Variants in GAL3ST2 observed in about 807,000 individuals in gnomAD.
GAL3ST2 encodes the protein galactose-3-O-sulfotransferase 2.
Under a neutral mutation model 12.9 loss-of-function variants are expected in GAL3ST2, and 16 were observed. The ratio of observed to expected loss-of-function variants is 1.24; its 90% CI spans 0.84 to 1.88. The LOEUF is 1.88. Ranked by LOEUF, GAL3ST2 falls within the 40% of genes most tolerant of loss-of-function variation. GAL3ST2 has a pLI of 0.00. For synonymous variants in GAL3ST2, 302 were observed against 273.9 expected (o/e 1.10, Z -1.01); for missense variants, 639 against 571.8 (o/e 1.12, Z -1.20).
rs1699712284 is a variant in GAL3ST2 at position 241,793,047 on chromosome 2, A to C, written c.30-6018A>C. On this transcript the variant is annotated intron_variant, in intron 1 of 3. Coordinates refer to ENST00000192314, the MANE Select transcript of GAL3ST2 (RefSeq NM_022134.3). The surrounding 1 kb of genome is among the most constrained non-coding windows in gnomAD (Gnocchi z 4.7). The stretch of plus-strand genomic sequence containing the variant: ...CAGACCGAACCAATGTTCGTCCTGC[A>C]TATGCGGACTGATGTCTCATGTCTC... 6.6e-6 allele frequency among the ~76,000 whole-genome samples: 1 copy of C among 152,178 alleles called. No individual in the cohort carries two copies. Among genetic ancestry groups the C allele is most frequent in the Admixed American group, 6.5e-5 (1 of 15,278 alleles).
chr2:241,803,316 C>A, intron 3 of GAL3ST2, 29 bp from the exon 4 acceptor site: 1 of 1,544,792 alleles, frequency 6.5e-7, no homozygotes, highest in South Asian at 1.2e-5. Flanking sequence ...GGCCCGCGGT[C>A]CGCAGCCCGC....
At position 241,801,608 on chromosome 2, in the gene GAL3ST2, G is replaced by A; in HGVS notation, c.120-173G>A. 1.3e-6 allele frequency: 1 copy of A among 776,848 alleles called. No individual in the cohort carries two copies. Among genetic ancestry groups the A allele is most frequent in the Non-Finnish European group, 2.0e-6 (1 of 498,910 alleles). 48.1% of individuals were successfully genotyped at this position (776,848 alleles called of 1,614,324 possible). ...GCCACCAGCTGGGAGGTTGTGGAGT[G>A]GGGCAAGGATTGGGGCCATGGGTCG... On this transcript the variant is annotated intron_variant, in intron 2 of 3. Coordinates refer to ENST00000192314, the MANE Select transcript of GAL3ST2 (RefSeq NM_022134.3). The surrounding 1 kb of genome is among the most constrained non-coding windows in gnomAD (Gnocchi z 4.4).
In GAL3ST2 at chr2:241,786,759, A is replaced by G. The variant is rs935057096; in HGVS notation, c.29+9775A>G. 9.8e-5 allele frequency among the ~76,000 whole-genome samples: 15 copies of G among 152,306 alleles called. No homozygotes were observed. In the South Asian group the frequency reaches 2.3e-3, roughly 23 times the overall value. ...ATAAAGTTAGCTCATGTCAGTACCA[A>G]GCTCCGATAGGAGGTTTGCCAAAGG... On this transcript the variant is annotated intron_variant, in intron 1 of 3. Coordinates refer to ENST00000192314, the MANE Select transcript of GAL3ST2 (RefSeq NM_022134.3).
At chr2:241,787,256 G>A (rs1318548358) in intron 1 of GAL3ST2, among the ~76,000 whole-genome samples, 2 of 152,140 alleles carry the variant, frequency 1.3e-5, no homozygotes, top group Non-Finnish European at 2.9e-5. Flanking sequence ...ATGTGGTCAG[G>A]ACTTCCTGAG....
chr2:241,793,861 A>C lies in GAL3ST2; in HGVS notation c.30-5204A>C, dbSNP rs1315040270. ...AAAAACCATCGCCATAAGAATTTGC[A>C]TGAGTCTTCCTCATAGTCAACAAGG... On this transcript the variant is annotated intron_variant, in intron 1 of 3. Coordinates refer to ENST00000192314, the MANE Select transcript of GAL3ST2 (RefSeq NM_022134.3). This position sits in a 1 kb window ranked among gnomAD's most constrained non-coding sequence, Gnocchi z 4.7. Among the ~76,000 whole-genome samples, 1 of 152,146 alleles carries C rather than the reference A, an allele frequency of 6.6e-6. No homozygotes were observed. Among genetic ancestry groups the C allele is most frequent in the Non-Finnish European group, 1.5e-5 (1 of 68,036 alleles).
chr2:241,803,835 C>A lies in GAL3ST2; in HGVS notation c.866C>A (p.Thr289Asn). ...CGCCTGTACGAGCATTTCAACCGCA[C>A]CCTCTGGGCGCAGCTGCGCGCCGAG... ...DWRLYEHFNRTLWAQLRAELG... is the reference protein window; with the variant it reads ...DWRLYEHFNRNLWAQLRAELG... The change falls in exon 4 of 4, where the codon ACC (threonine) becomes AAC (asparagine). Residue 289 changes from threonine (T) to asparagine (N), a missense_variant. Thr to Asn is a moderately conservative substitution (Grantham distance 65, BLOSUM62 0). Coordinates refer to ENST00000192314, the MANE Select transcript of GAL3ST2 (RefSeq NM_022134.3). 4.7e-6 allele frequency: 7 copies of A among 1,483,910 alleles called. No individual in the cohort carries two copies. Among genetic ancestry groups the A allele is most frequent in the Non-Finnish European group, 6.2e-6 (7 of 1,125,790 alleles). 91.9% of individuals were successfully genotyped at this position (1,483,910 alleles called of 1,614,324 possible).
chr2:241,803,991 C>T lies in GAL3ST2; in HGVS notation c.1022C>T (p.Pro341Leu), dbSNP rs140234552. The change falls in exon 4 of 4, where the codon CCC becomes CTC. Residue 341 changes from proline (P) to leucine (L), a missense_variant. Coordinates refer to ENST00000192314, the MANE Select transcript of GAL3ST2 (RefSeq NM_022134.3). ...CAGATCAGAGACCCGCGCCTGCGCCCCTACCAGTCCGGCAAGGCCGACATC... is the reference window on the plus strand; with the variant it reads ...CAGATCAGAGACCCGCGCCTGCGCCTCTACCAGTCCGGCAAGGCCGACATC... ...HTQIRDPRLR[P>L]YQSGKADILG... 399 of 1,559,976 alleles carry T rather than the reference C, an allele frequency of 2.6e-4. No homozygotes were observed. The highest frequency in any genetic ancestry group is 3.3e-4 in the Non-Finnish European group (380 of 1,155,858).
chr2:241,803,609 A>G lies in GAL3ST2; in HGVS notation c.640A>G (p.Ile214Val). Residue 214 changes from isoleucine (I) to valine (V), a missense_variant, in exon 4 of 4, where the codon ATC (isoleucine) becomes GTC (valine). By Grantham distance (29) the Ile-to-Val change is conservative. Coordinates refer to ENST00000192314, the MANE Select transcript of GAL3ST2 (RefSeq NM_022134.3). ...QCEEGYVRARIAEVERRFRLV... is the reference protein window; with the variant it reads ...QCEEGYVRARVAEVERRFRLV... ...CGAGGAGGGCTACGTGCGCGCGCGCATCGCCGAGGTGGAGCGGCGCTTCCG... is the reference window on the plus strand; with the variant it reads ...CGAGGAGGGCTACGTGCGCGCGCGCGTCGCCGAGGTGGAGCGGCGCTTCCG... 2 of 1,564,826 alleles carry G rather than the reference A, an allele frequency of 1.3e-6. No individual in the cohort carries two copies. The highest frequency in any genetic ancestry group is 8.7e-7 in the Non-Finnish European group (1 of 1,154,022).
chr2:241,779,263 T>TCG (rs1177079137), intron 1 of GAL3ST2, among the ~76,000 whole-genome samples: 40 of 120,868 alleles, frequency 3.3e-4, no homozygotes, highest in Non-Finnish European at 5.2e-4. Flanking sequence ...AGACGGAGTC[T>TCG]CGCTCTCTCT....
At position 241,803,940 on chromosome 2, in the gene GAL3ST2, A is replaced by C. The variant is rs1469404689; in HGVS notation, c.971A>C (p.Asp324Ala). ...RRELASLCLQ[D>A]GGALKNHTQI... is the part of the protein sequence containing the mutation. Reference sequence around the variant, plus strand: ...GAACTCGCGAGCCTGTGCCTGCAGGACGGCGGCGCGCTCAAGAACCACACG... The same window carrying C: ...GAACTCGCGAGCCTGTGCCTGCAGGCCGGCGGCGCGCTCAAGAACCACACG... Residue 324 changes from aspartate (D) to alanine (A), a missense_variant, in exon 4 of 4, where the codon GAC becomes GCC. Transcript: ENST00000192314. 5 of 1,461,378 alleles carry C rather than the reference A, an allele frequency of 3.4e-6. No individual in the cohort carries two copies. In the East Asian group the frequency reaches 1.5e-4, roughly 43 times the overall value. The allele number at this position is 1,461,378 out of a possible 1,614,324, so 90.5% of individuals were successfully genotyped here.
chr2:241,798,770 G>A (rs1358408668), intron 1 of GAL3ST2, among the ~76,000 whole-genome samples: 5 of 152,156 alleles, frequency 3.3e-5, no homozygotes, highest in Non-Finnish European at 5.9e-5. Flanking sequence ...CTGGTCCCAG[G>A]AGCGCGGCCC....
rs565040735 is a variant in GAL3ST2, at chr2:241,797,055, C to G, written c.30-2010C>G. Among the ~76,000 whole-genome samples the G allele has an allele frequency of 5.9e-5, 9 of 152,356 alleles. No homozygotes were observed. The South Asian group carries it at 1.9e-3, about 32-fold the overall frequency. On this transcript the variant is annotated intron_variant, in intron 1 of 3. Transcript: ENST00000192314. The stretch of plus-strand genomic sequence containing the variant: ...TTTTAAGAATGTAGAGATGGGGTCT[C>G]ACTGTATTGCCCAGGCTGGCCTCAA...
chr2:241,787,015 C>T (rs1352272878), intron 1 of GAL3ST2, among the ~76,000 whole-genome samples: 1 of 152,146 alleles, frequency 6.6e-6, no homozygotes, highest in Non-Finnish European at 1.5e-5. Flanking sequence ...AGAGGCTCAT[C>T]AGAAACTCAG....
chr2:241,783,484 C>G (rs1241012836), intron 1 of GAL3ST2, among the ~76,000 whole-genome samples: 1 of 152,048 alleles, frequency 6.6e-6, no homozygotes, highest in Non-Finnish European at 1.5e-5. Context: ...AAACTTTAAG[C>G]TTTGAATTAG....
intron 1 of GAL3ST2, among the ~76,000 whole-genome samples, chr2:241,788,147 C>T (rs1350311000): frequency 1.3e-5 from 2 of 152,098 alleles, no homozygotes; most frequent in East Asian, 3.9e-4. Context: ...ACAAGGGCAC[C>T]ACTCACCGCT....
At position 241,801,206 on chromosome 2, in the gene GAL3ST2, T is replaced by C. The variant is rs79775247; in HGVS notation, c.120-575T>C. 1 of 153,792 alleles carries C rather than the reference T, an allele frequency of 6.5e-6. No individual in the cohort carries two copies. Among genetic ancestry groups the C allele is most frequent in the Non-Finnish European group, 1.4e-5 (1 of 69,212 alleles). The allele number at this position is 153,792 out of a possible 1,614,324, so 9.5% of individuals were successfully genotyped here. Reference sequence around the variant, plus strand: ...CAAGTCCCACTTATGAGTGAGAACATGCGGTGTTTGGTTTTCTGTTCCTTT... The same window carrying C: ...CAAGTCCCACTTATGAGTGAGAACACGCGGTGTTTGGTTTTCTGTTCCTTT... On this transcript the variant is annotated intron_variant, in intron 2 of 3. Transcript: ENST00000192314. The surrounding 1 kb of genome is among the most constrained non-coding windows in gnomAD (Gnocchi z 4.4).
In GAL3ST2 at chr2:241,801,336, C is replaced by G; in HGVS notation, c.120-445C>G. ...CACAGTATTCCGTGGTGTAGATGTG[C>G]CACATTTTCTTTACGGTCTCTATGT... is the stretch of plus-strand genomic sequence containing the variant. On this transcript the variant is annotated intron_variant, in intron 2 of 3. Coordinates refer to ENST00000192314, the MANE Select transcript of GAL3ST2 (RefSeq NM_022134.3). The surrounding 1 kb of genome is among the most constrained non-coding windows in gnomAD (Gnocchi z 4.4). 1 of 165,254 alleles carries G rather than the reference C, an allele frequency of 6.1e-6. No homozygotes were observed. The highest frequency in any genetic ancestry group is 6.3e-5 in the Admixed American group (1 of 15,922). The allele number at this position is 165,254 out of a possible 1,614,324, so 10.2% of individuals were successfully genotyped here.
In GAL3ST2 at chr2:241,803,980, G is replaced by A. The variant is rs752575917; in HGVS notation, c.1011G>A (p.Pro337=). The A allele has an allele frequency of 3.0e-5, 46 of 1,544,748 alleles. No individual in the cohort carries two copies. Among genetic ancestry groups the A allele is most frequent in the Non-Finnish European group, 3.5e-5 (40 of 1,148,834 alleles). The change falls in exon 4 of 4, where the codon CCG becomes CCA. Residue 337 remains proline, a synonymous_variant. Coordinates refer to ENST00000192314, the MANE Select transcript of GAL3ST2 (RefSeq NM_022134.3). ...ALKNHTQIRD[P]RLRPYQSGKA... is the part of the protein sequence containing the mutation. ...AGAACCACACGCAGATCAGAGACCC[G>A]CGCCTGCGCCCCTACCAGTCCGGCA...
Position 241,776,926 on chromosome 2 carries a change from C to T in GAL3ST2, c.-30C>T, listed in dbSNP as rs375159964. The T allele has an allele frequency of 1.3e-6, 2 of 1,517,252 alleles. No individual in the cohort carries two copies. Among genetic ancestry groups the T allele is most frequent in the Admixed American group, 1.9e-5 (1 of 51,792 alleles). 94.0% of individuals were successfully genotyped at this position (1,517,252 alleles called of 1,614,324 possible). A position where few individuals can be genotyped will look rare whatever the true frequency, so the allele number is the denominator to read the frequency against. ...GACCTCGGGGGAGCTCAAGCCTCGA[C>T]TGTCCCCTCGCTGGAGGCCAGAGGC... On this transcript the variant is annotated 5_prime_UTR_variant, in exon 1 of 4. Coordinates refer to ENST00000192314, the MANE Select transcript of GAL3ST2 (RefSeq NM_022134.3).
Sources: allele counts gnomAD v4.1 joint callset (sites outside exome capture counted in the v4.1 genomes callset), GRCh38; gene constraint gnomAD v4.1.1; non-coding constraint Gnocchi (gnomAD v3.1); transcripts MANE v1.5; gene names NCBI Gene and HGNC (gene_info 2026-07-23, HGNC 2026-07-21).